RANBP3: variants seen among roughly 807,000 people sequenced by gnomAD.
RANBP3 encodes the protein RAN binding protein 3, also known as ran-binding protein 3.
A neutral mutation model predicts 77.3 loss-of-function variants in RANBP3; 14 were observed. That is an observed-to-expected ratio of 0.18 (90% CI 0.12 to 0.28). RANBP3 has a LOEUF of 0.28. Ranked by LOEUF, RANBP3 falls within the 10% of genes least tolerant of loss-of-function variation. The pLI, the probability that RANBP3 is intolerant of heterozygous loss-of-function variation, is 1.00. For missense variants in RANBP3, 586 were observed against 752.3 expected (o/e 0.78, Z 2.59); for synonymous variants, 315 against 312.4 (o/e 1.01, Z -0.09).
rs779286296 is a variant in RANBP3 at position 5,978,063 on chromosome 19, T to C, written c.20A>G (p.Glu7Gly). Residue 7 changes from glutamate (E) to glycine (G), a missense_variant and splice_region_variant, in exon 1 of 17, where the codon GAA (glutamate) becomes GGA (glycine). Coordinates refer to ENST00000340578, the MANE Select transcript of RANBP3 (RefSeq NM_007322.3). MADLAN[E>G]EKPAIAPPVF... ...GTCCCCAACGGCGCCTCCCCTACCT[T>C]CGTTCGCCAGGTCCGCCATTTTACT... The C allele has an allele frequency of 6.2e-7, 1 of 1,610,688 alleles. No homozygotes were observed. The highest frequency in any genetic ancestry group is 8.5e-7 in the Non-Finnish European group (1 of 1,178,666).
intron 5 of RANBP3, among the ~76,000 whole-genome samples, chr19:5,939,825 C>T (rs79519121): frequency 0.016 from 2,468 of 152,330 alleles, 77 homozygotes; most frequent in African/African-American, 0.057. Context: ...TGACTACAGT[C>T]AACTCTGGTC....
chr19:5,917,707 G>C, intron 16 of RANBP3, 54 bp from the exon 17 acceptor site: 1 of 1,590,476 alleles, frequency 6.3e-7, no homozygotes, highest in Non-Finnish European at 8.5e-7. Context: ...TCCCAGGTCT[G>C]GCCACCCCCG....
chr19:5,933,707 C>T, intron 5 of RANBP3: 6 of 472,916 alleles, frequency 1.3e-5, no homozygotes, highest in Non-Finnish European at 2.3e-5. Context: ...CTTGGGCCAG[C>T]TGCTGACCAT....
intron 1 of RANBP3, among the ~76,000 whole-genome samples, chr19:5,973,490 C>T (rs368448836): frequency 9.2e-5 from 14 of 152,332 alleles, no homozygotes; most frequent in African/African-American, 2.9e-4. Flanking sequence ...TAAGATCCTA[C>T]AGTGCACAGC....
intron 6 of RANBP3, chr19:5,932,911 T>G: frequency 3.4e-6 from 1 of 289,870 alleles, no homozygotes; most frequent in Non-Finnish European, 6.5e-6. Context: ...CAGGCACATT[T>G]TGCACCTGTT....
chr19:5,973,400 T>C (rs1350604168), intron 1 of RANBP3, among the ~76,000 whole-genome samples: 1 of 152,198 alleles, frequency 6.6e-6, no homozygotes, highest in Non-Finnish European at 1.5e-5. Flanking sequence ...GACGGAGACA[T>C]TTCCACTGTC....
intron 1 of RANBP3, among the ~76,000 whole-genome samples, chr19:5,977,592 G>A (rs990554330): frequency 4.6e-5 from 7 of 151,928 alleles, no homozygotes; most frequent in African/African-American, 9.7e-5. Context: ...GCCCGCGGAG[G>A]ACGAGGGCCT....
At chr19:5,919,404 GC>G (rs1446726099) in intron 14 of RANBP3, among the ~76,000 whole-genome samples, 2 of 152,182 alleles carry the variant, frequency 1.3e-5, no homozygotes, top group Non-Finnish European at 2.9e-5. Context: ...ACCTCCCTGA[GC>G]CCAGGTGCCC....
rs577577845 is a variant in RANBP3 at position 5,926,639 on chromosome 19, T to C, written c.814-902A>G. On this transcript the variant is annotated intron_variant, in intron 9 of 16. Coordinates refer to ENST00000340578, the MANE Select transcript of RANBP3 (RefSeq NM_007322.3). ...AGACTGCGAAGTGCACGTAAGCCTC[T>C]GACTTCTGCAAGAAGCCAACCCCAC... 1.4e-4 allele frequency among the ~76,000 whole-genome samples: 21 copies of C among 152,286 alleles called. No homozygotes were observed. In the South Asian group the frequency reaches 3.9e-3, roughly 29 times the overall value.
chr19:5,941,770 A>G (rs1213504921), intron 4 of RANBP3, 29 bp downstream of exon 4: 2 of 1,612,426 alleles, frequency 1.2e-6, no homozygotes, highest in South Asian at 1.1e-5. Flanking sequence ...AAAACTGAAG[A>G]TGGTCAAAGG....
Position 5,921,198 on chromosome 19 carries a change from C to T in RANBP3, c.1330+3G>A. On this transcript the variant is annotated splice_donor_region_variant and intron_variant, in intron 14 of 16. Transcript: ENST00000340578. The surrounding 1 kb of genome is among the most constrained non-coding windows in gnomAD (Gnocchi z 5.3). ...GCCACAGCCCCCGCCGTCGGCAGCT[C>T]ACCTAGTCGGGACTGTAGTGTGCCG... The T allele has an allele frequency of 6.2e-7, 1 of 1,609,652 alleles. No homozygotes were observed. The highest frequency in any genetic ancestry group is 8.5e-7 in the Non-Finnish European group (1 of 1,178,734).
At chr19:5,928,765 C>A (rs1025171262) in intron 8 of RANBP3, among the ~76,000 whole-genome samples, 8 of 75,024 alleles carry the variant, frequency 1.1e-4, no homozygotes, top group African/African-American at 4.1e-4. Flanking sequence ...AACATGTAGG[C>A]ATGACTTTTT....
At chr19:5,925,378 T>C in intron 10 of RANBP3, 1 of 567,764 alleles carries the variant, frequency 1.8e-6, no homozygotes, top group East Asian at 3.0e-5. Flanking sequence ...GGCTGGGCTG[T>C]AGCCTCCATG....
intron 14 of RANBP3, 26 bp from the exon 15 acceptor site, chr19:5,918,664 C>T: frequency 1.2e-6 from 2 of 1,607,808 alleles, no homozygotes; most frequent in Non-Finnish European, 1.7e-6. Context: ...CCACTCAGCC[C>T]TGGCCCCCAC....
intron 8 of RANBP3, among the ~76,000 whole-genome samples, chr19:5,930,055 G>A (rs1339266201): frequency 6.6e-6 from 1 of 152,230 alleles, no homozygotes; most frequent in Non-Finnish European, 1.5e-5. Flanking sequence ...ACAAGCTCTC[G>A]GTAGCGGGTG....
intron 1 of RANBP3, among the ~76,000 whole-genome samples, chr19:5,962,504 G>A (rs2058416228): frequency 6.6e-6 from 1 of 152,144 alleles, no homozygotes; most frequent in South Asian, 2.1e-4. Flanking sequence ...GTTAGAGGGT[G>A]AATGAAATGT....
Position 5,932,734 on chromosome 19 carries a change from G to GAAACA in RANBP3, c.473-191_473-190insTGTTT, listed in dbSNP as rs1036876512. 17 of 580,842 alleles carry GAAACA rather than the reference G, an allele frequency of 2.9e-5. No individual in the cohort carries two copies. The Admixed American group carries it at 4.6e-4, about 16-fold the overall frequency. The allele number at this position is 580,842 out of a possible 1,614,324, so 36.0% of individuals were successfully genotyped here. ...GATCTGGCTACTGTTATTTTTACAT[G>GAAACA]TGATTACATGAAACTCCCAGTGACC... On this transcript the variant is annotated intron_variant, in intron 6 of 16. Coordinates refer to ENST00000340578, the MANE Select transcript of RANBP3 (RefSeq NM_007322.3).
At chr19:5,975,283 C>T (rs1481893784) in intron 1 of RANBP3, among the ~76,000 whole-genome samples, 2 of 152,128 alleles carry the variant, frequency 1.3e-5, no homozygotes, top group Admixed American at 6.5e-5. Flanking sequence ...TCAGGGACAA[C>T]GTGCTAGGTG....
intron 11 of RANBP3, 80 bp from the exon 12 acceptor site, chr19:5,923,994 GC>G (rs1255997165): frequency 3.6e-6 from 4 of 1,117,556 alleles, no homozygotes; most frequent in East Asian, 4.9e-5. Context: ...TCTCTGCCTG[GC>G]CCCCAACACT....
Sources: allele counts gnomAD v4.1 joint callset (sites outside exome capture counted in the v4.1 genomes callset), GRCh38; gene constraint gnomAD v4.1.1; non-coding constraint Gnocchi (gnomAD v3.1); transcripts MANE v1.5; gene names NCBI Gene and HGNC (gene_info 2026-07-23, HGNC 2026-07-21).